The following FAM120A variants were observed in gnomAD, a reference collection of about 807,000 sequenced individuals.
FAM120A encodes family with sequence similarity 120 member A, also known as constitutive coactivator of PPAR-gamma-like protein 1.
Under a neutral mutation model 109.7 loss-of-function variants are expected in FAM120A, and 15 were observed. The observed-to-expected ratio is 0.14, with a 90% CI of 0.09 to 0.21. FAM120A has a LOEUF of 0.21. Ranked by LOEUF, FAM120A falls within the 10% of genes least tolerant of loss-of-function variation. FAM120A has a pLI of 1.00. For synonymous variants in FAM120A, 493 were observed against 572.8 expected (o/e 0.86, Z 1.99); for missense variants, 899 against 1,439.3 (o/e 0.62, Z 6.07).
At chr9:93,457,928 T>G (rs955762449) in intron 1 of FAM120A, among the ~76,000 whole-genome samples, 1 of 152,120 alleles carries the variant, frequency 6.6e-6, no homozygotes, top group African/African-American at 2.4e-5. Flanking sequence ...AATATGATGT[T>G]TCCTTAAATG....
In FAM120A at chr9:93,564,748, CAAA is replaced by C. The variant is rs1862582232; in HGVS notation, c.*212_*214del. ...TTGTAGTCAAAATGCTACAATAAAA[CAAA>C]AAAGAGAAAGAAAATGAAGAGCATT... On this transcript the variant is annotated 3_prime_UTR_variant, in exon 18 of 18. Coordinates refer to ENST00000277165, the MANE Select transcript of FAM120A (RefSeq NM_014612.5). The C allele has an allele frequency of 2.1e-6, 1 of 465,372 alleles. No homozygotes were observed. The allele number at this position is 465,372 out of a possible 1,614,324, so 28.8% of individuals were successfully genotyped here.
intron 13 of FAM120A, 22 bp downstream of exon 13, chr9:93,556,613 C>T: frequency 1.3e-6 from 2 of 1,593,354 alleles, no homozygotes; most frequent in Non-Finnish European, 1.7e-6. Flanking sequence ...GGCCGGGTGG[C>T]TGCCTTTAAC....
At chr9:93,520,177 C>T (rs966939195) in intron 7 of FAM120A, among the ~76,000 whole-genome samples, 3 of 152,138 alleles carry the variant, frequency 2.0e-5, no homozygotes, top group African/African-American at 7.2e-5. Flanking sequence ...CTGATGGCAA[C>T]TGTTTTAAAT....
At chr9:93,556,113 C>T (rs1478769742) in intron 12 of FAM120A, among the ~76,000 whole-genome samples, 1 of 152,188 alleles carries the variant, frequency 6.6e-6, no homozygotes, top group Non-Finnish European at 1.5e-5. Context: ...CAGTGTTACT[C>T]TACACTGCGG....
intron 3 of FAM120A, among the ~76,000 whole-genome samples, chr9:93,490,545 A>G (rs1044371585): frequency 6.6e-6 from 1 of 152,246 alleles, no homozygotes. Flanking sequence ...TGGGTTTAAC[A>G]GTTGGAATAT....
chr9:93,507,588 C>T (rs1169200498), intron 5 of FAM120A, among the ~76,000 whole-genome samples: 6 of 151,900 alleles, frequency 3.9e-5, no homozygotes, highest in African/African-American at 1.5e-4. Context: ...AAAGAGATGG[C>T]GCCCCTGGGG....
At chr9:93,475,448 A>C (rs1411870704) in intron 2 of FAM120A, among the ~76,000 whole-genome samples, 2 of 152,236 alleles carry the variant, frequency 1.3e-5, no homozygotes, top group African/African-American at 4.8e-5. Context: ...GTAGCAAATT[A>C]ATGAATTTGC....
At chr9:93,563,966 A>T (rs976938048) in intron 17 of FAM120A, among the ~76,000 whole-genome samples, 2 of 152,214 alleles carry the variant, frequency 1.3e-5, no homozygotes, top group African/African-American at 4.8e-5. Context: ...AAAGGATTAG[A>T]CAGAGCTCCT....
In FAM120A at chr9:93,556,531, A is replaced by G. The variant is rs1260223220; in HGVS notation, c.2424A>G (p.Gln808=). 1.2e-6 allele frequency: 2 copies of G among 1,614,192 alleles called. No homozygotes were observed. The highest frequency in any genetic ancestry group is 2.2e-5 in the East Asian group (1 of 44,882). The stretch of plus-strand genomic sequence containing the variant: ...TGTATTTTGATGGGAAGCTCTTCCA[A>G]TCCAAACTCCTCAAAGCCAGCCGGG... The part of the protein sequence containing the change: ...PWMYFDGKLF[Q]SKLLKASREK... Residue 808 remains glutamine (Q), a synonymous_variant, in exon 13 of 18, where the codon CAA becomes CAG. Coordinates refer to ENST00000277165, the MANE Select transcript of FAM120A (RefSeq NM_014612.5).
In FAM120A at chr9:93,452,397, C is replaced by T. The variant is rs372272292; in HGVS notation, c.474+8C>T. The T allele has an allele frequency of 1.0e-5, 16 of 1,599,582 alleles. No individual in the cohort carries two copies. In the African/African-American group the frequency reaches 1.7e-4, roughly 17 times the overall value. On this transcript the variant is annotated splice_region_variant and intron_variant, in intron 1 of 17. Coordinates refer to ENST00000277165, the MANE Select transcript of FAM120A (RefSeq NM_014612.5). The surrounding 1 kb of genome is among the most constrained non-coding windows in gnomAD (Gnocchi z 7.0). ...ATCCGCTTCCACGTCAAGGTGAGGC[C>T]GGGGATCCGGGCGGGCCGGGGACCG...
At chr9:93,494,108 TAGTGC>T (rs1348295402) in intron 3 of FAM120A, among the ~76,000 whole-genome samples, 3 of 152,202 alleles carry the variant, frequency 2.0e-5, no homozygotes, top group African/African-American at 7.2e-5. Context: ...CACGGGTTCT[TAGTGC>T]AGTTCAGGCA....
chr9:93,466,921 T>C (rs142515547), intron 1 of FAM120A, among the ~76,000 whole-genome samples: 37 of 152,312 alleles, frequency 2.4e-4, no homozygotes, highest in African/African-American at 8.7e-4. Flanking sequence ...ACACAGATTC[T>C]GGGAGGCATA....
rs561551944 is a variant in FAM120A, at chr9:93,546,881, TG to T, written c.2159+3414del. Reference sequence around the variant, plus strand: ...CACCATTAGAGTCAGGTGATGCATTTGGGGTGGAACCCCACAGAAGGGGTAT... The same window carrying T: ...CACCATTAGAGTCAGGTGATGCATTTGGGTGGAACCCCACAGAAGGGGTAT... On this transcript the variant is annotated intron_variant, in intron 11 of 17. Coordinates refer to ENST00000277165, the MANE Select transcript of FAM120A (RefSeq NM_014612.5). Among the ~76,000 whole-genome samples the T allele has an allele frequency of 3.1e-3, 465 of 152,360 alleles. 4 individuals carry two copies. The highest frequency in any genetic ancestry group is 0.011 in the African/African-American group (451 of 41,586).
rs1861118893 is a variant in FAM120A at position 93,527,156 on chromosome 9, C to G, written c.1420C>G (p.His474Asp). ...TAATCATGTTCATTTTATGTTTAGC[C>G]ATATCAGCGGGAACAAGATTGGCTG... ...NDEGSGGATN[H>D]ISGNKIGWEK... is the part of the protein sequence containing the mutation. Residue 474 changes from histidine (H) to aspartate (D), a missense_variant and splice_region_variant, in exon 8 of 18, where the codon CAT (histidine) becomes GAT (aspartate). This residue lies in a region of FAM120A where 31 missense variants were observed against 71.8 expected (regional missense o/e 0.43). Transcript: ENST00000277165. The G allele has an allele frequency of 6.2e-7, 1 of 1,613,530 alleles. No individual in the cohort carries two copies.
intron 15 of FAM120A, among the ~76,000 whole-genome samples, chr9:93,559,205 C>G (rs754548667): frequency 6.6e-6 from 1 of 152,168 alleles, no homozygotes; most frequent in African/African-American, 2.4e-5. Context: ...ACTGTAGATT[C>G]CCAGTGCTTC....
At chr9:93,456,749 G>T (rs1028820243) in intron 1 of FAM120A, among the ~76,000 whole-genome samples, 4 of 122,566 alleles carry the variant, frequency 3.3e-5, no homozygotes, top group African/African-American at 1.4e-4. Context: ...TACTTTGTGG[G>T]TGTGCCTACC....
intron 1 of FAM120A, among the ~76,000 whole-genome samples, chr9:93,459,644 G>A (rs956793153): frequency 6.6e-6 from 1 of 152,176 alleles, no homozygotes; most frequent in Non-Finnish European, 1.5e-5. Context: ...AGAACAATAT[G>A]TTTACTCAGT....
intron 7 of FAM120A, chr9:93,523,148 G>A (rs185510975): frequency 5.8e-6 from 2 of 346,972 alleles, no homozygotes; most frequent in East Asian, 1.8e-4. Context: ...TCAGAACACT[G>A]ATGTGGTTTT....
At chr9:93,516,674 C>T (rs903179309) in intron 7 of FAM120A, among the ~76,000 whole-genome samples, 5 of 152,108 alleles carry the variant, frequency 3.3e-5, no homozygotes, top group African/African-American at 1.2e-4. Context: ...CTCTGAATTT[C>T]CTCTCCTTCT....
Sources: allele counts gnomAD v4.1 joint callset (sites outside exome capture counted in the v4.1 genomes callset), GRCh38; gene constraint gnomAD v4.1.1; regional missense constraint gnomAD v4.1.1; non-coding constraint Gnocchi (gnomAD v3.1); transcripts MANE v1.5; gene names NCBI Gene and HGNC (gene_info 2026-07-23, HGNC 2026-07-21).